The following FAM110B variants were observed in gnomAD, a reference collection of about 807,000 sequenced individuals.
FAM110B encodes family with sequence similarity 110 member B, also known as protein FAM110B.
In FAM110B, 6 loss-of-function variants were observed where a neutral mutation model predicts 20.4. The observed-to-expected ratio is 0.29, with a 90% CI of 0.16 to 0.58. The LOEUF is 0.58. Among genes scored for constraint, FAM110B ranks in the 20% least tolerant of loss-of-function variants. The pLI is 0.90. For missense variants in FAM110B, 434 were observed against 498.2 expected (o/e 0.87, Z 1.23); for synonymous variants, 226 against 214.1 (o/e 1.06, Z -0.49).
chr8:58,071,163 T>C (rs1376377938), intron 2 of FAM110B, among the ~76,000 whole-genome samples: 1 of 151,872 alleles, frequency 6.6e-6, no homozygotes, highest in Admixed American at 6.6e-5. Context: ...AATCTGGGAT[T>C]AAAAAAAATG....
In FAM110B at chr8:58,146,983, C is replaced by A; in HGVS notation, c.753C>A (p.Ser251Arg). ...ADPVEPACGVSRRPSLQRSKS... is the reference protein window; with the variant it reads ...ADPVEPACGVRRRPSLQRSKS... ...CTGTGGAACCAGCTTGTGGAGTCAG[C>A]CGAAGACCCTCCCTCCAGCGGTCTA... The change falls in exon 4 of 4, where the codon AGC (serine) becomes AGA (arginine). Residue 251 changes from serine (S) to arginine (R), a missense_variant. Around this residue, in one of 3 missense-constraint regions of FAM110B, gnomAD observed 284 missense variants for 278.3 expected, o/e 1.02. Coordinates refer to ENST00000519262, the MANE Select transcript of FAM110B (RefSeq NM_001377989.1). 3 of 1,614,204 alleles carry A rather than the reference C, an allele frequency of 1.9e-6. No individual in the cohort carries two copies. Among genetic ancestry groups the A allele is most frequent in the Non-Finnish European group, 2.5e-6 (3 of 1,180,036 alleles).
chr8:58,057,568 C>T (rs558207233), intron 2 of FAM110B, among the ~76,000 whole-genome samples: 22 of 152,306 alleles, frequency 1.4e-4, no homozygotes, highest in Admixed American at 1.3e-3. Flanking sequence ...CCCCTTTTCT[C>T]AGCCTCCACC....
chr8:58,040,646 C>T (rs1805194924), intron 2 of FAM110B, among the ~76,000 whole-genome samples: 1 of 152,110 alleles, frequency 6.6e-6, no homozygotes, highest in African/African-American at 2.4e-5. Context: ...AAAACACTGC[C>T]TCACCTTTTT....
intron 1 of FAM110B, among the ~76,000 whole-genome samples, chr8:57,995,707 G>C (rs1273857372): frequency 6.6e-6 from 1 of 152,154 alleles, no homozygotes; most frequent in African/African-American, 2.4e-5. Context: ...AAAACACCTG[G>C]TGCTCAGCTT....
intron 3 of FAM110B, among the ~76,000 whole-genome samples, chr8:58,109,080 C>A (rs1806990289): frequency 6.6e-6 from 1 of 152,220 alleles, no homozygotes; most frequent in African/African-American, 2.4e-5. Context: ...TTACCTCTTA[C>A]AGCACGTCGC....
chr8:57,999,164 G>A (rs750652614), intron 1 of FAM110B, among the ~76,000 whole-genome samples: 4 of 152,208 alleles, frequency 2.6e-5, no homozygotes, highest in East Asian at 1.9e-4. Context: ...GTTTTAAACC[G>A]GCATTAAATC....
At chr8:58,139,915 A>T (rs1160991694) in intron 3 of FAM110B, among the ~76,000 whole-genome samples, 1 of 152,010 alleles carries the variant, frequency 6.6e-6, no homozygotes, top group African/African-American at 2.4e-5. Flanking sequence ...GGGCAACAGA[A>T]CGAGACTCTG....
At chr8:58,109,986 A>G (rs1277813776) in intron 3 of FAM110B, among the ~76,000 whole-genome samples, 1 of 152,214 alleles carries the variant, frequency 6.6e-6, no homozygotes, top group Non-Finnish European at 1.5e-5. Flanking sequence ...GTTTACTGTG[A>G]TGATTCTTCT....
intron 1 of FAM110B, among the ~76,000 whole-genome samples, chr8:58,026,755 G>A (rs1289647452): frequency 1.3e-5 from 2 of 152,180 alleles, no homozygotes; most frequent in African/African-American, 4.8e-5. Context: ...TAAAGGTAGT[G>A]CAGATGCAGC....
intron 3 of FAM110B, among the ~76,000 whole-genome samples, chr8:58,082,837 GTTT>G (rs1270825336): frequency 3.2e-5 from 4 of 123,096 alleles, no homozygotes; most frequent in African/African-American, 2.0e-4. Flanking sequence ...CTCCATTTTT[GTTT>G]TTTTTTGTTT....
intron 3 of FAM110B, among the ~76,000 whole-genome samples, chr8:58,115,291 C>A (rs1039988241): frequency 6.6e-6 from 1 of 152,214 alleles, no homozygotes; most frequent in African/African-American, 2.4e-5. Context: ...ACAACGAATT[C>A]TATACACAGC....
At chr8:58,047,883 G>GA (rs1215264327) in intron 2 of FAM110B, among the ~76,000 whole-genome samples, 5 of 151,294 alleles carry the variant, frequency 3.3e-5, no homozygotes, top group South Asian at 2.1e-4. Flanking sequence ...TGAGAATTTT[G>GA]AAAAAAAAAT....
chr8:58,073,601 C>G (rs7823853), intron 2 of FAM110B, among the ~76,000 whole-genome samples: 42,335 of 152,154 alleles, frequency 0.28, 7,481 homozygotes, highest in African/African-American at 0.5. Context: ...TTGAAGTTTT[C>G]TTTAACGTAT....
intron 1 of FAM110B, among the ~76,000 whole-genome samples, chr8:58,030,673 A>G (rs1042414167): frequency 1.3e-5 from 2 of 152,152 alleles, no homozygotes; most frequent in Non-Finnish European, 2.9e-5. Flanking sequence ...AATAAAGAAG[A>G]TATCTATTGC....
chr8:58,130,233 A>T (rs1324367762), intron 3 of FAM110B, among the ~76,000 whole-genome samples: 1 of 152,198 alleles, frequency 6.6e-6, no homozygotes, highest in Non-Finnish European at 1.5e-5. Context: ...TCCTTCTGTT[A>T]ATCTGCAAAT....
chr8:58,145,399 T>C (rs1563385825), intron 3 of FAM110B, among the ~76,000 whole-genome samples: 1 of 152,110 alleles, frequency 6.6e-6, no homozygotes, highest in East Asian at 1.9e-4. Context: ...AAAAAGTGAC[T>C]GTTGCAAGTA....
chr8:58,144,322 G>C (rs547544196), intron 3 of FAM110B, among the ~76,000 whole-genome samples: 2 of 152,312 alleles, frequency 1.3e-5, no homozygotes, highest in South Asian at 4.2e-4. Context: ...GCCTCCAGAG[G>C]AATCGGGGCT....
chr8:58,034,122 C>T (rs2150573966), intron 2 of FAM110B, among the ~76,000 whole-genome samples: 1 of 152,292 alleles, frequency 6.6e-6, no homozygotes, highest in East Asian at 1.9e-4. Context: ...CCGAGGGACA[C>T]AGTGGGCTGC....
chr8:58,057,389 C>T lies in FAM110B; in HGVS notation c.-413-18146C>T, dbSNP rs183997104. 2.3e-3 allele frequency among the ~76,000 whole-genome samples: 357 copies of T among 152,290 alleles called. 3 individuals carry two copies. The highest frequency in any genetic ancestry group is 0.014 in the South Asian group (66 of 4,824). ...CAGGGCACATTTAGGCAGCTGAGCACAATATTTTTGGTAAGGCTGCCCTTC... is the reference window on the plus strand; with the variant it reads ...CAGGGCACATTTAGGCAGCTGAGCATAATATTTTTGGTAAGGCTGCCCTTC... On this transcript the variant is annotated intron_variant, in intron 2 of 3. Coordinates refer to ENST00000519262, the MANE Select transcript of FAM110B (RefSeq NM_001377989.1).
Sources: allele counts gnomAD v4.1 joint callset (sites outside exome capture counted in the v4.1 genomes callset), GRCh38; gene constraint gnomAD v4.1.1; regional missense constraint gnomAD v4.1.1; transcripts MANE v1.5; gene names NCBI Gene and HGNC (gene_info 2026-07-23, HGNC 2026-07-21).